Variants in LNX1 observed in about 807,000 individuals in gnomAD.
The protein encoded by LNX1 is ligand of numb-protein X 1.
Under a neutral mutation model 68.4 loss-of-function variants are expected in LNX1, and 54 were observed. The observed-to-expected ratio is 0.79, with a 90% CI of 0.63 to 0.99. The LOEUF (loss-of-function observed/expected upper bound fraction) is 0.99. Ranked by LOEUF, LNX1 falls within the 50% of genes least tolerant of loss-of-function variation. The pLI is 0.00. For missense variants in LNX1, 906 were observed against 926.4 expected (o/e 0.98, Z 0.29); for synonymous variants, 336 against 350.0 (o/e 0.96, Z 0.45).
intron 2 of LNX1, among the ~76,000 whole-genome samples, chr4:53,563,388 A>G (rs1245602877): frequency 6.6e-6 from 1 of 152,214 alleles, no homozygotes; most frequent in East Asian, 1.9e-4. Context: ...TTAGTTTTCT[A>G]AATTCAAGGG....
At chr4:53,474,525 A>T (rs188027835) in intron 9 of LNX1, among the ~76,000 whole-genome samples, 1 of 152,324 alleles carries the variant, frequency 6.6e-6, no homozygotes, top group Admixed American at 6.5e-5. Context: ...TACACAAGAA[A>T]TTGATAATGG....
rs563418845 is a variant in LNX1 at position 53,519,877 on chromosome 4, T to A, written c.381-11650A>T. On this transcript the variant is annotated intron_variant, in intron 2 of 10. Coordinates refer to ENST00000263925, the MANE Select transcript of LNX1 (RefSeq NM_001126328.3). ...TATAGGGTGACCAACCATCTCAGATTGCCCAGGACTGACTGGATTCTTGAG... is the reference window on the plus strand; with the variant it reads ...TATAGGGTGACCAACCATCTCAGATAGCCCAGGACTGACTGGATTCTTGAG... Among the ~76,000 whole-genome samples the A allele has an allele frequency of 7.4e-4, 112 of 152,344 alleles. 1 individual carries two copies. In the Middle Eastern group the frequency reaches 0.014, roughly 19 times the overall value.
intron 2 of LNX1, among the ~76,000 whole-genome samples, chr4:53,613,522 T>C (rs945137837): frequency 1.2e-4 from 19 of 152,232 alleles, no homozygotes; most frequent in African/African-American, 4.3e-4. Flanking sequence ...CCCCCCACCG[T>C]CCAGTAAGCC....
chr4:53,636,460 A>G (rs1417836504), intron 1 of LNX1, among the ~76,000 whole-genome samples: 1 of 152,090 alleles, frequency 6.6e-6, no homozygotes, highest in Non-Finnish European at 1.5e-5. Context: ...CCCTCAGAGT[A>G]GAAAAAGGAG....
intron 1 of LNX1, among the ~76,000 whole-genome samples, chr4:53,634,845 T>G (rs1734408596): frequency 6.6e-6 from 1 of 151,708 alleles, no homozygotes; most frequent in Non-Finnish European, 1.5e-5. Flanking sequence ...ATTATTATTA[T>G]TTTTTTAAGA....
In LNX1 at chr4:53,481,681, CCCCTTGCAGGAGCAGGCGACCTG is replaced by C. The variant is rs1723921227; in HGVS notation, c.1485+16_1485+38del. Reference sequence around the variant, plus strand: ...AACAAGCAGCCTTCCCAAGAAATAGCCCCTTGCAGGAGCAGGCGACCTGCCCTAGAGGCCTCACCTTGGGAGTG... The same window carrying C: ...AACAAGCAGCCTTCCCAAGAAATAGCCCCTAGAGGCCTCACCTTGGGAGTG... On this transcript the variant is annotated intron_variant, in intron 7 of 10. Transcript: ENST00000263925. The C allele has an allele frequency of 6.3e-7, 1 of 1,595,564 alleles. No individual in the cohort carries two copies. Among genetic ancestry groups the C allele is most frequent in the Non-Finnish European group, 8.5e-7 (1 of 1,170,668 alleles).
chr4:53,651,066 C>T (rs924182569), intron 1 of LNX1, among the ~76,000 whole-genome samples: 1 of 152,184 alleles, frequency 6.6e-6, no homozygotes, highest in African/African-American at 2.4e-5. Context: ...TGAGGTACCC[C>T]AAAATGCAGA....
intron 9 of LNX1, among the ~76,000 whole-genome samples, chr4:53,465,170 A>G (rs1380276437): frequency 6.6e-6 from 1 of 152,178 alleles, no homozygotes; most frequent in Non-Finnish European, 1.5e-5. Context: ...AATATTGAAT[A>G]TAATTTGGCA....
At position 53,461,058 on chromosome 4, in the gene LNX1, A is replaced by C. The variant is rs1165658488; in HGVS notation, c.2052-16T>G. 2.6e-6 allele frequency: 4 copies of C among 1,547,440 alleles called. No homozygotes were observed. In the East Asian group the frequency reaches 9.2e-5, roughly 36 times the overall value. ...ATCACCACATCTAAAAAAAAAAACAAAACAAGATATGATTAGTATTTTAAT... is the reference window on the plus strand; with the variant it reads ...ATCACCACATCTAAAAAAAAAAACACAACAAGATATGATTAGTATTTTAAT... On this transcript the variant is annotated splice_polypyrimidine_tract_variant and intron_variant, in intron 10 of 10. Transcript: ENST00000263925.
chr4:53,502,419 G>A (rs73250969), intron 4 of LNX1, among the ~76,000 whole-genome samples: 18,309 of 152,232 alleles, frequency 0.12, 1,195 homozygotes, highest in East Asian at 0.16. Context: ...ACAATAGCAT[G>A]TTTTTTAAAA....
chr4:53,538,702 C>T (rs577404079), intron 2 of LNX1, among the ~76,000 whole-genome samples: 64 of 152,284 alleles, frequency 4.2e-4, no homozygotes, highest in Middle Eastern at 3.4e-3. Context: ...TTGAAAGAGC[C>T]TTCAAACTCA....
rs1284092365 is a variant in LNX1 at position 53,460,678 on chromosome 4, G to GTT, written c.*227_*228dup. 2.2e-6 allele frequency: 1 copy of GTT among 457,246 alleles called. No individual in the cohort carries two copies. Among genetic ancestry groups the GTT allele is most frequent in the African/African-American group, 2.1e-5 (1 of 48,474 alleles). 28.3% of individuals were successfully genotyped at this position (457,246 alleles called of 1,614,324 possible). ...ATTGAATAGAAAAAATATAAACAAT[G>GTT]TTGTAGAGTAATGAGAAATCCTCCA... On this transcript the variant is annotated 3_prime_UTR_variant, in exon 11 of 11. Transcript: ENST00000263925.
At chr4:53,502,891 C>T (rs1725604106) in intron 4 of LNX1, among the ~76,000 whole-genome samples, 1 of 151,928 alleles carries the variant, frequency 6.6e-6, no homozygotes, top group African/African-American at 2.4e-5. Context: ...TGCCTCTACA[C>T]TCATTCAAGT....
At chr4:53,470,029 A>G (rs1278972365) in intron 9 of LNX1, among the ~76,000 whole-genome samples, 1 of 152,210 alleles carries the variant, frequency 6.6e-6, no homozygotes, top group Admixed American at 6.5e-5. Flanking sequence ...CCGGGCAGAG[A>G]CACAACAAAA....
Position 53,495,200 on chromosome 4 carries a change from A to G in LNX1, c.1350+823T>C, listed in dbSNP as rs1231724597. Among the ~76,000 whole-genome samples the G allele has an allele frequency of 2.6e-5, 4 of 152,224 alleles. No homozygotes were observed. In the East Asian group the frequency reaches 7.7e-4, roughly 29 times the overall value. ...TATTATTTCTTACAATTACATATTA[A>G]TTGATAATTATCTCAAAATACGAAG... is the stretch of plus-strand genomic sequence containing the variant. On this transcript the variant is annotated intron_variant, in intron 6 of 10. Coordinates refer to ENST00000263925, the MANE Select transcript of LNX1 (RefSeq NM_001126328.3).
chr4:53,461,740 TTGG>T, intron 9 of LNX1, 147 bp from the exon 10 acceptor site: 1 of 548,220 alleles, frequency 1.8e-6, no homozygotes, highest in Non-Finnish European at 3.1e-6. Context: ...GTATCATACC[TTGG>T]TGACCTTTGT....
chr4:53,518,889 C>A, intron 2 of LNX1, among the ~76,000 whole-genome samples: 1 of 152,208 alleles, frequency 6.6e-6, no homozygotes, highest in Non-Finnish European at 1.5e-5. Flanking sequence ...TAAATGCCAG[C>A]TACTGAGTAA....
chr4:53,461,650 ACTTACTGTGACT>A, intron 9 of LNX1, 57 bp from the exon 10 acceptor site: 1 of 1,277,036 alleles, frequency 7.8e-7, no homozygotes, highest in Non-Finnish European at 1.1e-6. Flanking sequence ...TTAAGGGAAT[ACTTACTGTGACT>A]CATCCTCCAT....
At chr4:53,522,708 G>C (rs1727318651) in intron 2 of LNX1, among the ~76,000 whole-genome samples, 1 of 152,056 alleles carries the variant, frequency 6.6e-6, no homozygotes, top group African/African-American at 2.4e-5. Flanking sequence ...GATTTCAAAA[G>C]TAATTGAGGC....
Sources: allele counts gnomAD v4.1 joint callset (sites outside exome capture counted in the v4.1 genomes callset), GRCh38; gene constraint gnomAD v4.1.1; transcripts MANE v1.5; gene names NCBI Gene and HGNC (gene_info 2026-07-23, HGNC 2026-07-21).